Variants in TMEM232 observed in about 807,000 individuals in gnomAD.
TMEM232 encodes transmembrane protein 232.
Under a neutral mutation model 78.8 loss-of-function variants are expected in TMEM232, and 80 were observed. That is an observed-to-expected ratio of 1.01 (90% CI 0.85 to 1.22). TMEM232 has a LOEUF of 1.22. Ranked by LOEUF, TMEM232 falls within the 50% of genes most tolerant of loss-of-function variation. The pLI is 0.00. For synonymous variants in TMEM232, 297 were observed against 254.3 expected (o/e 1.17, Z -1.60); for missense variants, 881 against 742.2 (o/e 1.19, Z -2.17).
chr5:110,666,286 G>C (rs1790579151), intron 2 of TMEM232, among the ~76,000 whole-genome samples: 1 of 151,944 alleles, frequency 6.6e-6, no homozygotes, highest in Non-Finnish European at 1.5e-5. Context: ...ATACACATTT[G>C]ATATCATCAA....
chr5:110,457,783 G>A (rs1761058180), intron 12 of TMEM232, among the ~76,000 whole-genome samples: 2 of 151,920 alleles, frequency 1.3e-5, no homozygotes, highest in Admixed American at 1.3e-4. Context: ...AAGATAAAAT[G>A]GAATGCAAAT....
At chr5:110,676,121 T>C (rs1791991721) in intron 1 of TMEM232, among the ~76,000 whole-genome samples, 1 of 152,226 alleles carries the variant, frequency 6.6e-6, no homozygotes, top group Admixed American at 6.5e-5. Flanking sequence ...AAAAGCTAAA[T>C]TACATATCAT....
chr5:110,644,673 G>GA (rs1218503801), intron 2 of TMEM232, among the ~76,000 whole-genome samples: 2 of 151,016 alleles, frequency 1.3e-5, no homozygotes, highest in Non-Finnish European at 3.0e-5. Context: ...GAAATATCTG[G>GA]AAAAAAACAG....
At chr5:110,672,609 G>C (rs1445063777) in intron 1 of TMEM232, among the ~76,000 whole-genome samples, 1 of 152,036 alleles carries the variant, frequency 6.6e-6, no homozygotes, top group East Asian at 1.9e-4. Context: ...ATTTAGCATA[G>C]AGATGTTGGA....
chr5:110,610,140 T>C (rs1782005983), intron 8 of TMEM232, among the ~76,000 whole-genome samples: 1 of 149,986 alleles, frequency 6.7e-6, no homozygotes, highest in Non-Finnish European at 1.5e-5. Flanking sequence ...AAGTCTTTCA[T>C]AATTTAGAGG....
At chr5:110,435,473 G>A (rs1383469407) in intron 12 of TMEM232, among the ~76,000 whole-genome samples, 1 of 150,614 alleles carries the variant, frequency 6.6e-6, no homozygotes, top group African/African-American at 2.5e-5. Flanking sequence ...CTTGGATTGT[G>A]TTAACAATTC....
intron 2 of TMEM232, among the ~76,000 whole-genome samples, chr5:110,405,359 C>A (rs1755747958): frequency 6.6e-6 from 1 of 151,730 alleles, no homozygotes; most frequent in Admixed American, 6.6e-5. Flanking sequence ...ATTTTATACA[C>A]CATATTCATA....
At chr5:110,471,219 A>G (rs898433750) in intron 12 of TMEM232, among the ~76,000 whole-genome samples, 16 of 152,186 alleles carry the variant, frequency 1.1e-4, no homozygotes, top group African/African-American at 3.9e-4. Flanking sequence ...AGAAAAACAT[A>G]AGAATGAAAA....
upstream of TMEM232, chr5:110,738,113 CAG>C (rs1249080436): frequency 1.6e-5 from 12 of 735,708 alleles, no homozygotes; most frequent in Admixed American, 4.6e-4. Flanking sequence ...AACTGCACGT[CAG>C]AGTTCTCTTG....
chr5:110,719,506 A>T (rs72773181), intron 1 of TMEM232, among the ~76,000 whole-genome samples: 11,765 of 151,980 alleles, frequency 0.077, 521 homozygotes, highest in Admixed American at 0.12. Flanking sequence ...CCCCTCCTGT[A>T]TATGAGTCAC....
intron 1 of TMEM232, among the ~76,000 whole-genome samples, chr5:110,702,482 T>C (rs1795528347): frequency 6.6e-6 from 1 of 152,040 alleles, no homozygotes; most frequent in Non-Finnish European, 1.5e-5. Flanking sequence ...TCACATATCA[T>C]ACTCAGCATT....
At chr5:110,503,710 CA>C (rs1363013339) in intron 12 of TMEM232, among the ~76,000 whole-genome samples, 1 of 152,114 alleles carries the variant, frequency 6.6e-6, no homozygotes, top group African/African-American at 2.4e-5. Context: ...CTTTGTTTTC[CA>C]TAAGCCCATT....
At chr5:110,631,292 C>T (rs1318665343) in intron 5 of TMEM232, among the ~76,000 whole-genome samples, 1 of 152,178 alleles carries the variant, frequency 6.6e-6, no homozygotes, top group Non-Finnish European at 1.5e-5. Flanking sequence ...AGCTTCCTGT[C>T]TGAGGCTATG....
At chr5:110,638,484 T>G in intron 4 of TMEM232, 129 bp from the exon 5 acceptor site, 1 of 922,486 alleles carries the variant, frequency 1.1e-6, no homozygotes, top group Non-Finnish European at 1.6e-6. Flanking sequence ...TATTTACAAA[T>G]TCTCTTTGAC....
intron 12 of TMEM232, among the ~76,000 whole-genome samples, chr5:110,449,485 CA>C (rs369514590): frequency 2.0e-5 from 3 of 151,854 alleles, no homozygotes; most frequent in African/African-American, 7.3e-5. Context: ...GCTGTCCAAT[CA>C]TCCCTTTAAA....
chr5:110,542,117 C>T (rs1233174296), intron 11 of TMEM232, among the ~76,000 whole-genome samples: 1 of 152,158 alleles, frequency 6.6e-6, no homozygotes, highest in Non-Finnish European at 1.5e-5. Context: ...TCAGCCACTA[C>T]ACCTGTGAAC....
At chr5:110,695,678 A>G (rs1237315339) in intron 1 of TMEM232, among the ~76,000 whole-genome samples, 2 of 152,224 alleles carry the variant, frequency 1.3e-5, no homozygotes, top group African/African-American at 4.8e-5. Context: ...AAACACCTCT[A>G]TGCAAATAAA....
At chr5:110,626,447 T>C (rs1180454940) in intron 6 of TMEM232, among the ~76,000 whole-genome samples, 1 of 152,068 alleles carries the variant, frequency 6.6e-6, no homozygotes, top group Non-Finnish European at 1.5e-5. Context: ...TACTAATTGA[T>C]TAGTCTCCAT....
At chr5:110,556,871 T>C (rs942338768) in intron 11 of TMEM232, among the ~76,000 whole-genome samples, 3 of 152,318 alleles carry the variant, frequency 2.0e-5, no homozygotes, top group Non-Finnish European at 4.4e-5. Context: ...ATGATGGTCA[T>C]CTTGTATAGC....
Sources: allele counts gnomAD v4.1 joint callset (sites outside exome capture counted in the v4.1 genomes callset), GRCh38; gene constraint gnomAD v4.1.1; transcripts MANE v1.5; gene names NCBI Gene and HGNC (gene_info 2026-07-23, HGNC 2026-07-21).